NOX4: variants seen among roughly 807,000 people sequenced by gnomAD.
The protein encoded by NOX4 is kidney oxidase-1.
NOX4 carries 69 observed loss-of-function variants against 87.6 expected under a neutral mutation model. The observed-to-expected ratio is 0.79, with a 90% CI of 0.65 to 0.96. The LOEUF (loss-of-function observed/expected upper bound fraction) is 0.96, where lower values mean the gene tolerates loss of function less well. NOX4 is among the 40% of genes least tolerant of loss of function. The pLI, the probability that NOX4 is intolerant of heterozygous loss-of-function variation, is 0.00. For missense variants in NOX4, 680 were observed against 681.5 expected (o/e 1.00, Z 0.02); for synonymous variants, 275 against 238.2 (o/e 1.15, Z -1.42).
chr11:89,424,260 A>G (rs889352159), intron 7 of NOX4, among the ~76,000 whole-genome samples: 15 of 151,884 alleles, frequency 9.9e-5, no homozygotes, highest in African/African-American at 3.6e-4. Flanking sequence ...AGTTAATAAA[A>G]GGATTATTTT....
At chr11:89,327,538 A>G (rs1186422676) in intron 17 of NOX4, among the ~76,000 whole-genome samples, 1 of 152,202 alleles carries the variant, frequency 6.6e-6, no homozygotes, top group South Asian at 2.1e-4. Context: ...AATAATACGT[A>G]TCTCTAACAA....
intron 17 of NOX4, among the ~76,000 whole-genome samples, chr11:89,329,356 G>GAAAAAAAAAAAAAAAAAAAAAAAAAAAA (rs377055666): frequency 8.6e-5 from 3 of 34,722 alleles, no homozygotes; most frequent in African/African-American, 1.3e-4. Context: ...GAAAAAAACT[G>GAAAAAAAAAAAAAAAAAAAAAAAAAAAA]AAAAAAAAAA....
the NOX4 span, among the ~76,000 whole-genome samples, chr11:89,510,489 AG>A: frequency 1.3e-5 from 2 of 152,106 alleles, no homozygotes; most frequent in African/African-American, 4.8e-5. Context: ...AATATTGCTC[AG>A]ATGGGACAGT....
At chr11:89,392,527 C>T (rs1031241709) in intron 11 of NOX4, among the ~76,000 whole-genome samples, 1 of 152,230 alleles carries the variant, frequency 6.6e-6, no homozygotes, top group Middle Eastern at 3.4e-3. Context: ...TTCTTATTTC[C>T]ACACTTCGAG....
chr11:89,497,335 C>T (rs1161358330), intron 1 of NOX4, among the ~76,000 whole-genome samples: 1 of 152,052 alleles, frequency 6.6e-6, no homozygotes, highest in African/African-American at 2.4e-5. Context: ...TTCTTAATAC[C>T]CGAATCCATG....
chr11:89,405,353 T>C (rs2135200350), intron 8 of NOX4, among the ~76,000 whole-genome samples: 1 of 152,070 alleles, frequency 6.6e-6, no homozygotes, highest in African/African-American at 2.4e-5. Context: ...TTTGAGAGCT[T>C]TGTATTATGT....
the NOX4 span, among the ~76,000 whole-genome samples, chr11:89,512,218 T>C: frequency 2.6e-5 from 4 of 152,076 alleles, no homozygotes; most frequent in Non-Finnish European, 5.9e-5. Flanking sequence ...ATCAAGGTAA[T>C]AGACATATCC....
chr11:89,561,023 T>TATATAC, the NOX4 span, among the ~76,000 whole-genome samples: 1 of 71,316 alleles, frequency 1.4e-5, no homozygotes, highest in Non-Finnish European at 2.6e-5. Flanking sequence ...TATATATACA[T>TATATAC]ACACACACAC....
At chr11:89,568,471 A>C in the NOX4 span, among the ~76,000 whole-genome samples, 1 of 152,206 alleles carries the variant, frequency 6.6e-6, no homozygotes, top group Non-Finnish European at 1.5e-5. Context: ...GAAGACAGCT[A>C]ACCAGAGAAG....
chr11:89,577,609 T>C, the NOX4 span: 1 of 152,224 alleles, frequency 6.6e-6, no homozygotes, highest in Non-Finnish European at 1.5e-5. Context: ...CAAATTTATA[T>C]AGCTAGTTAA....
chr11:89,402,626 T>C (rs1165534323), intron 8 of NOX4, 84 bp from the exon 9 acceptor site: 2 of 1,059,296 alleles, frequency 1.9e-6, no homozygotes, highest in African/African-American at 1.6e-5. Flanking sequence ...AATGTTTTTG[T>C]TTTTGTTTTT....
intron 6 of NOX4, among the ~76,000 whole-genome samples, chr11:89,437,953 T>C (rs1014658461): frequency 6.6e-6 from 1 of 151,870 alleles, no homozygotes; most frequent in African/African-American, 2.4e-5. Context: ...CGAGACGGTA[T>C]GCTCAAGAGT....
At chr11:89,517,262 A>G in the NOX4 span, among the ~76,000 whole-genome samples, 1 of 152,102 alleles carries the variant, frequency 6.6e-6, no homozygotes, top group Non-Finnish European at 1.5e-5. Context: ...TATTAAAAGT[A>G]ATGTAAAATG....
chr11:89,553,242 T>C, the NOX4 span, among the ~76,000 whole-genome samples: 1 of 152,064 alleles, frequency 6.6e-6, no homozygotes, highest in Non-Finnish European at 1.5e-5. Flanking sequence ...AGGGTAGGGG[T>C]TGTCCTGGTG....
the NOX4 span, among the ~76,000 whole-genome samples, chr11:89,557,619 G>A: frequency 1.3e-5 from 2 of 152,052 alleles, no homozygotes; most frequent in Admixed American, 6.6e-5. Context: ...GGTTTTACTT[G>A]TTTGTTTTTT....
At chr11:89,573,733 A>G in the NOX4 span, among the ~76,000 whole-genome samples, 747 of 152,284 alleles carry the variant, frequency 4.9e-3, 3 homozygotes, top group African/African-American at 0.01. Context: ...AGGAAAGATC[A>G]CTTGGAAGAG....
intron 12 of NOX4, among the ~76,000 whole-genome samples, chr11:89,361,027 T>A (rs1938484697): frequency 2.0e-5 from 3 of 152,054 alleles, no homozygotes; most frequent in African/African-American, 4.8e-5. Flanking sequence ...CAAATGACTA[T>A]GTACAATACA....
chr11:89,342,118 T>C lies in NOX4; in HGVS notation c.1293A>G (p.Gly431=), dbSNP rs750078693. Residue 431 remains glycine, a synonymous_variant, in exon 14 of 18, where the codon GGA becomes GGG. Transcript: ENST00000263317. ...ATGCAAATGGAGTTACTCCAATGCC[T>C]CCAGCCACGCAGAGGCTGACCTCAT... ...LNYEVSLCVA[G]GIGVTPFASI... is the part of the protein sequence containing the mutation. The C allele has an allele frequency of 1.2e-6, 2 of 1,613,150 alleles. No homozygotes were observed. The highest frequency in any genetic ancestry group is 1.7e-6 in the Non-Finnish European group (2 of 1,179,204).
chr11:89,402,646 C>T, intron 8 of NOX4, 104 bp from the exon 9 acceptor site: 1 of 848,950 alleles, frequency 1.2e-6, no homozygotes, highest in Non-Finnish European at 1.9e-6. Context: ...TGTTTGCTAA[C>T]TTTACACAGC....
Sources: allele counts gnomAD v4.1 joint callset (sites outside exome capture counted in the v4.1 genomes callset), GRCh38; gene constraint gnomAD v4.1.1; transcripts MANE v1.5; gene names NCBI Gene and HGNC (gene_info 2026-07-23, HGNC 2026-07-21).